Variants in CAV3 observed in about 807,000 individuals in gnomAD.
CAV3 encodes the protein caveolin-3.
Under a neutral mutation model 13.4 loss-of-function variants are expected in CAV3, and 10 were observed. That is an observed-to-expected ratio of 0.75 (90% CI 0.46 to 1.27). The LOEUF is 1.27. Among genes scored for constraint, CAV3 ranks in the 50% most tolerant of loss-of-function variants. CAV3 has a pLI of 0.00. For missense variants in CAV3, 162 were observed against 194.0 expected, an observed-to-expected ratio of 0.83 and a Z score of 0.98; for synonymous variants, 90 against 79.0, an observed-to-expected ratio of 1.14 and a Z score of -0.74.
In CAV3 at chr3:8,746,136, G is replaced by T; in HGVS notation, c.*269G>T. On this transcript the variant is annotated 3_prime_UTR_variant, in exon 2 of 2. Coordinates refer to ENST00000343849, the MANE Select transcript of CAV3 (RefSeq NM_033337.3). ...ATTTGCCAAGAGGCAGCTACTGCAA[G>T]TCTTTGCGTTCACTTGTACTGTAAC... is the stretch of plus-strand genomic sequence containing the variant. 2.2e-6 allele frequency: 1 copy of T among 456,550 alleles called. No homozygotes were observed. Among genetic ancestry groups the T allele is most frequent in the Non-Finnish European group, 4.0e-6 (1 of 251,038 alleles). The allele number at this position is 456,550 out of a possible 1,614,324, so 28.3% of individuals were successfully genotyped here. A position where few individuals can be genotyped will look rare whatever the true frequency, so the allele number is the denominator to read the frequency against.
At chr3:8,742,111 G>T (rs1707983449) in intron 1 of CAV3, among the ~76,000 whole-genome samples, 1 of 152,070 alleles carries the variant, frequency 6.6e-6, no homozygotes, top group African/African-American at 2.4e-5. Flanking sequence ...GTGCTGCATG[G>T]TACAGCTGCC....
At chr3:8,740,258 A>C (rs1189583798) in intron 1 of CAV3, among the ~76,000 whole-genome samples, 1 of 152,118 alleles carries the variant, frequency 6.6e-6, no homozygotes, top group Non-Finnish European at 1.5e-5. Flanking sequence ...CTTGTGGTTA[A>C]AGTGAGTCAC....
At chr3:8,742,665 G>C (rs1708014800) in intron 1 of CAV3, 1 of 383,172 alleles carries the variant, frequency 2.6e-6, no homozygotes, top group African/African-American at 2.1e-5. Context: ...ATTGTGCTAA[G>C]CACTGCTCAA....
At chr3:8,737,842 T>A (rs1056096536) in intron 1 of CAV3, among the ~76,000 whole-genome samples, 2 of 152,084 alleles carry the variant, frequency 1.3e-5, no homozygotes. Context: ...ACACCCAAGG[T>A]TGCCTCAACC....
intron 1 of CAV3, among the ~76,000 whole-genome samples, chr3:8,743,386 C>G (rs1708041490): frequency 6.6e-6 from 1 of 152,032 alleles, no homozygotes; most frequent in Admixed American, 6.6e-5. Flanking sequence ...TCCCGAAGTC[C>G]CCTAAATTCC....
intron 1 of CAV3, among the ~76,000 whole-genome samples, chr3:8,742,091 C>T (rs1707981974): frequency 6.6e-6 from 1 of 152,154 alleles, no homozygotes; most frequent in Non-Finnish European, 1.5e-5. Context: ...AATGAAGTCA[C>T]CGTATGCTTG....
At position 8,745,956 on chromosome 3, in the gene CAV3, C is replaced by T; in HGVS notation, c.*89C>T. On this transcript the variant is annotated 3_prime_UTR_variant, in exon 2 of 2. Transcript: ENST00000343849. This position sits in a 1 kb window ranked among gnomAD's most constrained non-coding sequence, Gnocchi z 4.8. ...CTTCTTCACAGGGGCTGCTGGCGAGCTCTTTCTCTTTAGGGACTGCTCCAT... is the reference window on the plus strand; with the variant it reads ...CTTCTTCACAGGGGCTGCTGGCGAGTTCTTTCTCTTTAGGGACTGCTCCAT... The T allele has an allele frequency of 2.8e-6, 3 of 1,072,930 alleles. No individual in the cohort carries two copies. Among genetic ancestry groups the T allele is most frequent in the East Asian group, 2.5e-5 (1 of 40,634 alleles). The allele number at this position is 1,072,930 out of a possible 1,614,324, so 66.5% of individuals were successfully genotyped here. A position where few individuals can be genotyped will look rare whatever the true frequency, so the allele number is the denominator to read the frequency against.
rs928563644 is a variant in CAV3, at chr3:8,743,734, T to C, written c.115-1792T>C. 5.9e-5 allele frequency among the ~76,000 whole-genome samples: 9 copies of C among 152,202 alleles called. No homozygotes were observed. In the South Asian group the frequency reaches 1.9e-3, roughly 32 times the overall value. On this transcript the variant is annotated intron_variant, in intron 1 of 1. Coordinates refer to ENST00000343849, the MANE Select transcript of CAV3 (RefSeq NM_033337.3). ...AGGTGGGGTGCAGGAGCTCAGAAGC[T>C]AAAGTCACATGAGAAAAGAGGGCCC...
Position 8,733,853 on chromosome 3 carries a change from C to T in CAV3, c.-24C>T. 6.9e-7 allele frequency: 1 copy of T among 1,459,164 alleles called. No homozygotes were observed. The highest frequency in any genetic ancestry group is 1.1e-5 in the South Asian group (1 of 87,904). 90.4% of individuals were successfully genotyped at this position (1,459,164 alleles called of 1,614,324 possible). A position where few individuals can be genotyped will look rare whatever the true frequency, so the allele number is the denominator to read the frequency against. ...GCCGGCCACACAGCTCGGATCTCCT[C>T]CTGTGGATCCCCCCAGCTCTGCGAT... On this transcript the variant is annotated 5_prime_UTR_variant, in exon 1 of 2. Transcript: ENST00000343849.
intron 1 of CAV3, among the ~76,000 whole-genome samples, chr3:8,738,163 T>C (rs552663747): frequency 2.6e-5 from 4 of 152,290 alleles, no homozygotes; most frequent in African/African-American, 9.6e-5. Flanking sequence ...TATCCCAGCT[T>C]CTGCAGTCAA....
At chr3:8,736,210 G>A (rs752764345) in intron 1 of CAV3, among the ~76,000 whole-genome samples, 1 of 152,100 alleles carries the variant, frequency 6.6e-6, no homozygotes, top group Non-Finnish European at 1.5e-5. Flanking sequence ...TGATAACACT[G>A]GACAAACCAA....
chr3:8,740,734 A>G (rs1229703842), intron 1 of CAV3, among the ~76,000 whole-genome samples: 1 of 152,162 alleles, frequency 6.6e-6, no homozygotes, highest in African/African-American at 2.4e-5. Flanking sequence ...GGTCCTACCT[A>G]GGATGCTCTC....
Position 8,745,812 on chromosome 3 carries a change from C to T in CAV3, c.401C>T (p.Ala134Val), listed in dbSNP as rs201267913. ...CIRTFCNPLF[A>V]ALGQVCSSIK... Reference sequence around the variant, plus strand: ...CGCACCTTCTGCAACCCACTCTTCGCGGCCCTGGGCCAGGTCTGCAGCAGC... The same window carrying T: ...CGCACCTTCTGCAACCCACTCTTCGTGGCCCTGGGCCAGGTCTGCAGCAGC... The change falls in exon 2 of 2, where the codon GCG becomes GTG. Residue 134 changes from alanine (A) to valine (V), a missense_variant. By Grantham distance (64) the Ala-to-Val change is moderately conservative. Coordinates refer to ENST00000343849, the MANE Select transcript of CAV3 (RefSeq NM_033337.3). The surrounding 1 kb of genome is among the most constrained non-coding windows in gnomAD (Gnocchi z 4.8). 15 of 1,613,808 alleles carry T rather than the reference C, an allele frequency of 9.3e-6. No individual in the cohort carries two copies. The highest frequency in any genetic ancestry group is 1.3e-5 in the African/African-American group (1 of 75,052).
At chr3:8,738,038 T>TTCTCTCTC (rs71634725) in intron 1 of CAV3, among the ~76,000 whole-genome samples, 1 of 127,258 alleles carries the variant, frequency 7.9e-6, no homozygotes, top group African/African-American at 3.5e-5. Context: ...CTCCTCTGTC[T>TTCTCTCTC]TCTCTCTCTC....
In CAV3 at chr3:8,746,067, C is replaced by T. The variant is rs1274742164; in HGVS notation, c.*200C>T. On this transcript the variant is annotated 3_prime_UTR_variant, in exon 2 of 2. Transcript: ENST00000343849. ...AGCACAATGGCCCTTCGCTCTCCCC[C>T]AGCCCCACCATGATGCCCCCATGCC... The T allele has an allele frequency of 3.5e-6, 2 of 570,452 alleles. No homozygotes were observed. The highest frequency in any genetic ancestry group is 2.2e-5 in the South Asian group (1 of 44,534). The allele number at this position is 570,452 out of a possible 1,614,324, so 35.3% of individuals were successfully genotyped here.
Position 8,745,601 on chromosome 3 carries a change from A to G in CAV3, c.190A>G (p.Thr64Ala). Residue 64 changes from threonine to alanine, a missense_variant, in exon 2 of 2, where the codon ACC (threonine) becomes GCC (alanine). By Grantham distance (58) the Thr-to-Ala change is moderately conservative. Transcript: ENST00000343849. The surrounding 1 kb of genome is among the most constrained non-coding windows in gnomAD (Gnocchi z 4.8). ...CGGCGTGTGGAAGGTGAGCTACACC[A>G]CCTTCACTGTCTCCAAGTACTGGTG... Reference protein sequence around the residue: ...FDGVWKVSYTTFTVSKYWCYR... With the variant: ...FDGVWKVSYTAFTVSKYWCYR... The G allele has an allele frequency of 6.2e-7, 1 of 1,614,012 alleles. No homozygotes were observed. Among genetic ancestry groups the G allele is most frequent in the East Asian group, 2.2e-5 (1 of 44,866 alleles).
chr3:8,740,778 C>A (rs1707930896), intron 1 of CAV3, among the ~76,000 whole-genome samples: 1 of 152,228 alleles, frequency 6.6e-6, no homozygotes, highest in African/African-American at 2.4e-5. Context: ...GGAGGAGTCA[C>A]AGATGTTCTC....
intron 1 of CAV3, among the ~76,000 whole-genome samples, chr3:8,741,990 A>C (rs1177221025): frequency 6.6e-6 from 1 of 152,152 alleles, no homozygotes; most frequent in African/African-American, 2.4e-5. Flanking sequence ...AACTGCACAC[A>C]GTGTCCTGAG....
At chr3:8,743,725 C>T (rs945891148) in intron 1 of CAV3, among the ~76,000 whole-genome samples, 31 of 152,180 alleles carry the variant, frequency 2.0e-4, no homozygotes, top group African/African-American at 7.0e-4. Flanking sequence ...GGTGCAGGAG[C>T]TCAGAAGCTA....
Sources: gnomAD v4.1 joint callset for allele counts (sites outside exome capture counted in the v4.1 genomes callset) on GRCh38, gnomAD v4.1.1 for gene constraint, Gnocchi (gnomAD v3.1) non-coding constraint, MANE v1.5 for transcripts, NCBI Gene and HGNC (gene_info 2026-07-23, HGNC 2026-07-21) for gene names.